LPP: variants seen among roughly 807,000 people sequenced by gnomAD.
The protein encoded by LPP is LIM domain containing preferred translocation partner in lipoma, also known as lipoma-preferred partner.
Under a neutral mutation model 60.4 loss-of-function variants are expected in LPP, and 38 were observed. The observed-to-expected ratio is 0.63, with a 90% CI of 0.49 to 0.83. The LOEUF (loss-of-function observed/expected upper bound fraction) is 0.83, where lower values mean the gene tolerates loss of function less well. Among genes scored for constraint, LPP ranks in the 40% least tolerant of loss-of-function variants. The pLI, the probability that LPP is intolerant of heterozygous loss-of-function variation, is 0.00. For synonymous variants in LPP, 328 were observed against 290.8 expected, an observed-to-expected ratio of 1.13 and a Z score of -1.30; for missense variants, 902 against 783.6, an observed-to-expected ratio of 1.15 and a Z score of -1.80.
chr3:188,768,675 T>C (rs918689199), intron 9 of LPP, among the ~76,000 whole-genome samples: 5 of 152,186 alleles, frequency 3.3e-5, no homozygotes, highest in Admixed American at 2.6e-4. Flanking sequence ...TATATAAAGA[T>C]ATGAAGCATA....
At chr3:188,479,762 G>A (rs767654380) in intron 4 of LPP, among the ~76,000 whole-genome samples, 4 of 152,202 alleles carry the variant, frequency 2.6e-5, no homozygotes, top group Non-Finnish European at 5.9e-5. Context: ...TTGGATGTGT[G>A]TGTAGGTTTT....
chr3:188,640,762 G>A (rs1014749136), intron 7 of LPP, among the ~76,000 whole-genome samples: 3 of 151,702 alleles, frequency 2.0e-5, no homozygotes, highest in Non-Finnish European at 4.4e-5. Context: ...ATAGTAACTG[G>A]CCACTGGAGA....
chr3:188,335,849 C>G (rs1428962682), intron 2 of LPP, among the ~76,000 whole-genome samples: 4 of 152,106 alleles, frequency 2.6e-5, no homozygotes, highest in South Asian at 2.1e-4. Context: ...ACAATTACCT[C>G]TTCTATACAA....
intron 1 of LPP, among the ~76,000 whole-genome samples, chr3:188,220,646 G>A (rs1250678078): frequency 1.3e-5 from 2 of 152,190 alleles, no homozygotes; most frequent in African/African-American, 4.8e-5. Context: ...AGAAAGGCTG[G>A]ATGGAGCCTG....
rs529309642 is a variant in LPP at position 188,255,185 on chromosome 3, G to T, written c.-67+29658G>T. Among the ~76,000 whole-genome samples, 9 of 152,274 alleles carry T rather than the reference G, an allele frequency of 5.9e-5. No homozygotes were observed. In the South Asian group the frequency reaches 1.9e-3, roughly 32 times the overall value. ...TCATCTTGGGAAAGGAGCAGAGAAG[G>T]TACTGAGAATACCACATCTGCTGAA... On this transcript the variant is annotated intron_variant, in intron 2 of 11. Coordinates refer to ENST00000617246, the MANE Select transcript of LPP (RefSeq NM_001375462.1).
intron 2 of LPP, among the ~76,000 whole-genome samples, chr3:188,307,428 A>G (rs1440996870): frequency 7.9e-5 from 12 of 152,218 alleles, no homozygotes; most frequent in Admixed American, 7.2e-4. Context: ...CCTCAAATCA[A>G]TGATTAGAAA....
chr3:188,411,640 T>A (rs1196801054), intron 4 of LPP, among the ~76,000 whole-genome samples: 1 of 152,162 alleles, frequency 6.6e-6, no homozygotes, highest in Non-Finnish European at 1.5e-5. Flanking sequence ...TAGCCTTTAG[T>A]GTTGTTTGTC....
chr3:188,753,921 G>T (rs2150364655), intron 8 of LPP, among the ~76,000 whole-genome samples: 1 of 152,232 alleles, frequency 6.6e-6, no homozygotes, highest in African/African-American at 2.4e-5. Flanking sequence ...CACAGTGACA[G>T]AACTACATGT....
chr3:188,684,559 G>T (rs1483799705), intron 7 of LPP, among the ~76,000 whole-genome samples: 1 of 152,076 alleles, frequency 6.6e-6, no homozygotes, highest in African/African-American at 2.4e-5. Context: ...GGCTGTCCAG[G>T]TCTTATGTCA....
chr3:188,739,178 A>G (rs1424218352), intron 8 of LPP, among the ~76,000 whole-genome samples: 1 of 152,146 alleles, frequency 6.6e-6, no homozygotes, highest in African/African-American at 2.4e-5. Context: ...GGTATACAGA[A>G]AGGCTTTATA....
intron 6 of LPP, among the ~76,000 whole-genome samples, chr3:188,607,393 ATATATATATATATATATATATATAAT>A: frequency 3.4e-5 from 1 of 29,804 alleles, no homozygotes; most frequent in East Asian, 7.0e-3. Flanking sequence ...ATATATATAT[ATATATATATATATATATATATATAAT>A]TTTTTTTTCC....
intron 8 of LPP, among the ~76,000 whole-genome samples, chr3:188,738,747 T>C (rs1368553534): frequency 1.3e-5 from 2 of 152,144 alleles, no homozygotes; most frequent in African/African-American, 4.8e-5. Context: ...TGATTTTTGT[T>C]GTGAAAGTTG....
chr3:188,196,795 A>G (rs1221906857), intron 1 of LPP, among the ~76,000 whole-genome samples: 1 of 152,148 alleles, frequency 6.6e-6, no homozygotes, highest in Non-Finnish European at 1.5e-5. Flanking sequence ...CTAATCTCCA[A>G]GATGATCTTG....
At chr3:188,320,534 G>T (rs1366891452) in intron 2 of LPP, among the ~76,000 whole-genome samples, 1 of 152,212 alleles carries the variant, frequency 6.6e-6, no homozygotes, top group East Asian at 1.9e-4. Context: ...GCAGGAAGGA[G>T]TAAGAAACGG....
At chr3:188,776,319 G>C (rs1737764396) in intron 9 of LPP, among the ~76,000 whole-genome samples, 1 of 152,146 alleles carries the variant, frequency 6.6e-6, no homozygotes, top group Non-Finnish European at 1.5e-5. Flanking sequence ...GGATAAGGGG[G>C]AAAGAATGAA....
At chr3:188,812,535 CTG>C (rs1281257922) in intron 9 of LPP, among the ~76,000 whole-genome samples, 2 of 152,130 alleles carry the variant, frequency 1.3e-5, no homozygotes, top group East Asian at 3.8e-4. Flanking sequence ...TCTTTAGCAT[CTG>C]TGTTTATCTT....
intron 5 of LPP, among the ~76,000 whole-genome samples, chr3:188,491,834 C>T (rs749645982): frequency 3.3e-5 from 5 of 152,116 alleles, no homozygotes; most frequent in Non-Finnish European, 5.9e-5. Flanking sequence ...CAGTAGCCGA[C>T]CTAGAGTCCA....
intron 6 of LPP, among the ~76,000 whole-genome samples, chr3:188,532,246 A>AAAAC (rs112631541): frequency 0.019 from 2,866 of 151,906 alleles, 40 homozygotes; most frequent in South Asian, 0.05. Context: ...AGCTCTACTA[A>AAAAC]AAACAAACAA....
chr3:188,874,317 C>T (rs1220966119), intron 11 of LPP, 34 bp from the exon 12 acceptor site: 1 of 1,591,864 alleles, frequency 6.3e-7, no homozygotes, highest in Non-Finnish European at 8.6e-7. Flanking sequence ...AACGTTTTTA[C>T]TTATGTCGTT....
Sources: gnomAD v4.1 joint callset for allele counts (sites outside exome capture counted in the v4.1 genomes callset) on GRCh38, gnomAD v4.1.1 for gene constraint, MANE v1.5 for transcripts, NCBI Gene and HGNC (gene_info 2026-07-23, HGNC 2026-07-21) for gene names.